DIAPH1: variants seen among roughly 807,000 people sequenced by gnomAD.
DIAPH1 encodes protein diaphanous homolog 1.
A neutral mutation model predicts 140.7 loss-of-function variants in DIAPH1; 46 were observed. That is an observed-to-expected ratio of 0.33 (90% confidence interval 0.26 to 0.42). DIAPH1 has a LOEUF of 0.42. Among genes scored for constraint, DIAPH1 ranks in the 10% least tolerant of loss-of-function variants. The probability of loss-of-function intolerance (pLI) is 1.00; values close to 1 mark genes in which losing one functional copy is unlikely to be tolerated. For missense variants in DIAPH1, 1,310 were observed against 1,558.7 expected, an observed-to-expected ratio of 0.84 and a Z score of 2.69; for synonymous variants, 565 against 551.6, an observed-to-expected ratio of 1.02 and a Z score of -0.34.
chr5:141,590,769 C>G (rs1209644493), intron 1 of DIAPH1, among the ~76,000 whole-genome samples: 1 of 151,782 alleles, frequency 6.6e-6, no homozygotes, highest in Non-Finnish European at 1.5e-5. Context: ...GGGGGGTAAC[C>G]AGCAACCTGT....
At chr5:141,527,541 G>A in intron 24 of DIAPH1, 32 bp downstream of exon 24, 1 of 1,611,572 alleles carries the variant, frequency 6.2e-7, no homozygotes, top group Non-Finnish European at 8.5e-7. Flanking sequence ...TCCCTTCCTA[G>A]GGAACAACTC....
intron 18 of DIAPH1, among the ~76,000 whole-genome samples, chr5:141,567,514 C>T (rs191956156): frequency 6.6e-6 from 1 of 152,302 alleles, no homozygotes. Context: ...GTTCACTTGA[C>T]TAGTACCTCT....
intron 18 of DIAPH1, among the ~76,000 whole-genome samples, chr5:141,553,140 A>G (rs1285177339): frequency 2.0e-5 from 3 of 152,152 alleles, no homozygotes. Flanking sequence ...AAAGATACAA[A>G]AATTAGCTGG....
At chr5:141,555,803 C>T (rs889097101) in intron 18 of DIAPH1, among the ~76,000 whole-genome samples, 4 of 152,126 alleles carry the variant, frequency 2.6e-5, no homozygotes, top group East Asian at 1.9e-4. Flanking sequence ...AAAAAGTGGC[C>T]GTGCCAGGAT....
chr5:141,520,230 C>A (rs990463792), intron 27 of DIAPH1, among the ~76,000 whole-genome samples: 16 of 152,144 alleles, frequency 1.1e-4, no homozygotes, highest in Admixed American at 8.5e-4. Context: ...AATTATGTTT[C>A]TTGTCCTATT....
chr5:141,575,386 C>T (rs2099895806), intron 14 of DIAPH1, among the ~76,000 whole-genome samples: 1 of 152,200 alleles, frequency 6.6e-6, no homozygotes, highest in South Asian at 2.1e-4. Flanking sequence ...GAGTGGCTCA[C>T]ACCTGTAATC....
At chr5:141,534,550 T>C (rs767909214) in intron 18 of DIAPH1, 117 bp from the exon 19 acceptor site, 11 of 784,812 alleles carry the variant, frequency 1.4e-5, no homozygotes, top group Non-Finnish European at 2.0e-5. Flanking sequence ...TAATGGTCTA[T>C]TGTATTCCTT....
chr5:141,525,644 C>T (rs1272559375), intron 26 of DIAPH1, among the ~76,000 whole-genome samples: 1 of 151,932 alleles, frequency 6.6e-6, no homozygotes, highest in Non-Finnish European at 1.5e-5. Context: ...AGGGAAGACA[C>T]GCCACAATTA....
chr5:141,614,811 C>T (rs1209543655), intron 1 of DIAPH1, among the ~76,000 whole-genome samples: 7 of 83,732 alleles, frequency 8.4e-5, no homozygotes, highest in Non-Finnish European at 1.4e-4. Flanking sequence ...CGTTCATCAT[C>T]TGTTAAAAAA....
chr5:141,575,174 G>A, intron 14 of DIAPH1, 28 bp from the exon 15 acceptor site: 2 of 1,612,236 alleles, frequency 1.2e-6, no homozygotes, highest in Non-Finnish European at 1.7e-6. Context: ...CAGGCTCCCA[G>A]CAAGCTCTCC....
At chr5:141,604,296 A>G (rs1005412266) in intron 1 of DIAPH1, among the ~76,000 whole-genome samples, 2 of 152,220 alleles carry the variant, frequency 1.3e-5, no homozygotes, top group Non-Finnish European at 2.9e-5. Context: ...GAAACAAAAC[A>G]TAATGTTAAC....
chr5:141,546,697 G>A (rs890859896), intron 18 of DIAPH1, among the ~76,000 whole-genome samples: 1 of 151,880 alleles, frequency 6.6e-6, no homozygotes, highest in African/African-American at 2.4e-5. Flanking sequence ...CCTTAAGCTG[G>A]GAGCACAAAA....
intron 18 of DIAPH1, among the ~76,000 whole-genome samples, chr5:141,550,665 G>C (rs1185879718): frequency 2.0e-5 from 3 of 151,906 alleles, no homozygotes; most frequent in Non-Finnish European, 4.4e-5. Flanking sequence ...GCCCAGGCTG[G>C]AGTGCAGTGG....
chr5:141,518,406 A>T (rs1387960108), intron 27 of DIAPH1, among the ~76,000 whole-genome samples: 1 of 152,064 alleles, frequency 6.6e-6, no homozygotes, highest in Non-Finnish European at 1.5e-5. Context: ...GACCAGATGA[A>T]AGAGCCGAGC....
rs1460860404 is a variant in DIAPH1, at chr5:141,618,791, C to T, written c.117+7G>A. 3.2e-6 allele frequency: 5 copies of T among 1,542,516 alleles called. No individual in the cohort carries two copies. Among genetic ancestry groups the T allele is most frequent in the African/African-American group, 1.4e-5 (1 of 72,738 alleles). ...CCAGGCAGGAGCGGGATGGGAGGGA[C>T]ACTCACAAATTTCTTAGATTTGCCG... is the stretch of plus-strand genomic sequence containing the variant. On this transcript the variant is annotated splice_region_variant and intron_variant, in intron 1 of 27. Transcript: ENST00000389054.
chr5:141,568,561 G>A (rs1193926247), intron 18 of DIAPH1, among the ~76,000 whole-genome samples: 1 of 152,204 alleles, frequency 6.6e-6, no homozygotes, highest in East Asian at 1.9e-4. Context: ...AAAGAATCTG[G>A]AGTATAATAT....
chr5:141,548,673 ATGTGTG>A (rs2099891191), intron 18 of DIAPH1, among the ~76,000 whole-genome samples: 1 of 152,072 alleles, frequency 6.6e-6, no homozygotes. Flanking sequence ...AAGCATGGTG[ATGTGTG>A]CCTGTAGTCC....
At chr5:141,520,330 A>G (rs1474122773) in intron 27 of DIAPH1, among the ~76,000 whole-genome samples, 2 of 152,120 alleles carry the variant, frequency 1.3e-5, no homozygotes, top group Non-Finnish European at 2.9e-5. Flanking sequence ...TGGATGTATG[A>G]CCCCTCCAAA....
At chr5:141,527,439 C>A (rs1489703935) in intron 24 of DIAPH1, 134 bp downstream of exon 24, 3 of 975,292 alleles carry the variant, frequency 3.1e-6, no homozygotes, top group Admixed American at 2.8e-5. Flanking sequence ...ACCCAAAAAA[C>A]TATGTATTTA....
Sources: allele counts gnomAD v4.1 joint callset (sites outside exome capture counted in the v4.1 genomes callset), GRCh38; gene constraint gnomAD v4.1.1; transcripts MANE v1.5; gene names NCBI Gene and HGNC (gene_info 2026-07-23, HGNC 2026-07-21).